The following MUC5B variants were observed in gnomAD, a reference collection of about 807,000 sequenced individuals.
MUC5B encodes the protein mucin-5B.
MUC5B carries 116 observed loss-of-function variants against 376.9 expected under a neutral mutation model. The observed-to-expected ratio is 0.31, with a 90% CI of 0.26 to 0.36. The LOEUF (loss-of-function observed/expected upper bound fraction) is 0.36. Ranked by LOEUF, MUC5B falls within the 10% of genes least tolerant of loss-of-function variation. The probability of loss-of-function intolerance (pLI) is 1.00; values close to 1 mark genes in which losing one functional copy is unlikely to be tolerated. For missense variants in MUC5B, 7,165 were observed against 7,769.9 expected (o/e 0.92, Z 2.93); for synonymous variants, 3,517 against 3,390.9 (o/e 1.04, Z -1.29).
rs761871229 is a variant in MUC5B at position 1,254,696 on chromosome 11, C to A, written c.15480C>A (p.Ile5160=). 6.2e-7 allele frequency: 1 copy of A among 1,612,286 alleles called. No homozygotes were observed. Among genetic ancestry groups the A allele is most frequent in the Non-Finnish European group, 8.5e-7 (1 of 1,179,418 alleles). The change falls in exon 35 of 49, where the codon ATC becomes ATA. Residue 5160 remains isoleucine (I), a splice_region_variant and synonymous_variant. Transcript: ENST00000529681. ...TMVHGKEEGL[I]LFDQIPVSSG... ...AGGGTTCCCCTGGATTCCCCCAGAT[C>A]CTGTTTGACCAAATTCCGGTGAGCA...
At position 1,249,312 on chromosome 11, in the gene MUC5B, G is replaced by A. The variant is rs765287324; in HGVS notation, c.12432G>A (p.Met4144Ile). 6.8e-5 allele frequency: 109 copies of A among 1,610,772 alleles called. 2 individuals carry two copies. Among genetic ancestry groups the A allele is most frequent in the Non-Finnish European group, 2.5e-6 (3 of 1,179,488 alleles). The change falls in exon 31 of 49, where the codon ATG becomes ATA. Residue 4144 changes from methionine to isoleucine, a missense_variant. Met to Ile is a conservative substitution (Grantham distance 10). Around this residue, in one of 31 missense-constraint regions of MUC5B, gnomAD observed 47 missense variants for 88.4 expected, o/e 0.53. Transcript: ENST00000529681. ...WSEWLDYSYP[M>I]PGPSGGDFDT... ...AGTGGCTGGACTACAGCTACCCCAT[G>A]CCGGGGCCCTCTGGCGGGGACTTTG...
Position 1,229,195 on chromosome 11 carries a change from G to C in MUC5B, c.1002G>C (p.Gln334His), listed in dbSNP as rs762430286. 1.9e-6 allele frequency: 3 copies of C among 1,598,880 alleles called. No homozygotes were observed. The highest frequency in any genetic ancestry group is 2.6e-6 in the Non-Finnish European group (3 of 1,176,438). The change falls in exon 9 of 49, where the codon CAG becomes CAC. Residue 334 changes from glutamine (Q) to histidine (H), a missense_variant. This residue lies in a region of MUC5B where 640 missense variants were observed against 733.0 expected (regional missense o/e 0.87). Transcript: ENST00000529681. The part of the protein sequence containing the change: ...LCPRTCPLNM[Q>H]HQECGSPCTD... ...CCCGGACCTGCCCCCTCAACATGCA[G>C]CACCAGGAGTGTGGCTCACCCTGCA...
rs1412943673 is a variant in MUC5B at position 1,232,294 on chromosome 11, G to GT, written c.1843+135dup. On this transcript the variant is annotated intron_variant, in intron 15 of 48. Transcript: ENST00000529681. ...GGCAGGTGGGAGGCATCAGGAGGAG[G>GT]TGCTTGGGGCCAGGCGGCCAGAACC... 3 of 1,352,380 alleles carry GT rather than the reference G, an allele frequency of 2.2e-6. No homozygotes were observed. In the Admixed American group the frequency reaches 6.9e-5, roughly 31 times the overall value. 83.8% of individuals were successfully genotyped at this position (1,352,380 alleles called of 1,614,324 possible).
At chr11:1,227,604 GGAAGTGGGA>G in intron 6 of MUC5B, 62 bp from the exon 7 acceptor site, 1 of 691,808 alleles carries the variant, frequency 1.4e-6, no homozygotes. Context: ...CCTGGGCTCA[GGAAGTGGGA>G]GCCCATATCT....
At position 1,244,929 on chromosome 11, in the gene MUC5B, C is replaced by A. The variant is rs755815911; in HGVS notation, c.8049C>A (p.Thr2683=). 22 of 1,588,192 alleles carry A rather than the reference C, an allele frequency of 1.4e-5. No homozygotes were observed. Among genetic ancestry groups the A allele is most frequent in the South Asian group, 2.3e-5 (2 of 88,672 alleles). Residue 2683 remains threonine, a synonymous_variant, in exon 31 of 49, where the codon ACC becomes ACA. Transcript: ENST00000529681. ...CAACACCCTCCTCTAGCACACAGAC[C>A]AGTGGTACTCCCCCATCACTGACCA... is the stretch of plus-strand genomic sequence containing the variant. ...SMATPSSSTQ[T]SGTPPSLTTT...
Position 1,258,117 on chromosome 11 carries a change from GC to G in MUC5B, c.16474del (p.Gln5492ArgfsTer110). On this transcript the variant is annotated frameshift_variant, in exon 42 of 49. Transcript: ENST00000529681. LOFTEE classifies it high-confidence loss of function. The surrounding 1 kb of genome is among the most constrained non-coding windows in gnomAD (Gnocchi z 5.5). ...CCCGCAGTGTGCAACACAACCACCTGCCCCCAGAGCCTGCCTGTGTGCCCGC... is the reference window on the plus strand; with the variant it reads ...CCCGCAGTGTGCAACACAACCACCTGCCCCAGAGCCTGCCTGTGTGCCCGC... Reference protein sequence around the residue: ...ETVCVCNTTTCPQSLPVCPPG... With the variant: ...ETVCVCNTTTXPQSLPVCPPG... 6.3e-7 allele frequency: 1 copy of G among 1,590,622 alleles called. No individual in the cohort carries two copies. Among genetic ancestry groups the G allele is most frequent in the Non-Finnish European group, 8.5e-7 (1 of 1,170,938 alleles).
chr11:1,229,127 A>T, intron 8 of MUC5B, 43 bp from the exon 9 acceptor site: 1 of 1,533,386 alleles, frequency 6.5e-7, no homozygotes, highest in Non-Finnish European at 8.7e-7. Context: ...CACGGGCAGT[A>T]CAGGGCCCTT....
chr11:1,234,709 G>C lies in MUC5B; in HGVS notation c.2630+29G>C, dbSNP rs1426518034. 25 of 1,428,546 alleles carry C rather than the reference G, an allele frequency of 1.8e-5. No individual in the cohort carries two copies. In the East Asian group the frequency reaches 5.5e-4, roughly 31 times the overall value. The allele number at this position is 1,428,546 out of a possible 1,614,324, so 88.5% of individuals were successfully genotyped here. A position where few individuals can be genotyped will look rare whatever the true frequency, so the allele number is the denominator to read the frequency against. Reference sequence around the variant, plus strand: ...GGTCGTGAGTCTCTCGGAGGCAGCAGGTGGGGAGGGCGGGGGCGGGGAGGG... The same window carrying C: ...GGTCGTGAGTCTCTCGGAGGCAGCACGTGGGGAGGGCGGGGGCGGGGAGGG... On this transcript the variant is annotated intron_variant, in intron 21 of 48. Transcript: ENST00000529681. This position sits in a 1 kb window ranked among gnomAD's most constrained non-coding sequence, Gnocchi z 6.3.
Position 1,250,455 on chromosome 11 carries a change from C to G in MUC5B, c.13575C>G (p.Ile4525Met). The change falls in exon 31 of 49, where the codon ATC becomes ATG. Residue 4525 changes from isoleucine to methionine, a missense_variant. This residue lies in a region of MUC5B where 431 missense variants were observed against 390.4 expected (regional missense o/e 1.10). Transcript: ENST00000529681. ...TTPTATSFTA[I>M]PSSSLGTTWT... ...CCACAGCTACCAGCTTTACAGCCAT[C>G]CCCTCCTCCTCCCTGGGCACCACCT... 1 of 1,594,364 alleles carries G rather than the reference C, an allele frequency of 6.3e-7. No homozygotes were observed. The highest frequency in any genetic ancestry group is 1.3e-5 in the African/African-American group (1 of 74,630).
chr11:1,227,167 T>G (rs371305770), intron 5 of MUC5B, 22 bp downstream of exon 5: 192 of 1,600,688 alleles, frequency 1.2e-4, no homozygotes, highest in Non-Finnish European at 1.6e-4. Context: ...CCCTCGCCCC[T>G]TGCCCCTTCA....
chr11:1,243,533 C>T lies in MUC5B; in HGVS notation c.6653C>T (p.Thr2218Ile), dbSNP rs766193180. The change falls in exon 31 of 49, where the codon ACC becomes ATC. Residue 2218 changes from threonine to isoleucine, a missense_variant. Around this residue, in one of 31 missense-constraint regions of MUC5B, gnomAD observed 67 missense variants for 103.0 expected, o/e 0.65. Transcript: ENST00000529681. Reference protein sequence around the residue: ...HTVRTAWTSATSGILGTTHIT... With the variant: ...HTVRTAWTSAISGILGTTHIT... ...GTGCGCACAGCCTGGACTTCGGCCA[C>T]CTCGGGCATCTTGGGCACCACCCAC... is the stretch of plus-strand genomic sequence containing the variant. 4.4e-6 allele frequency: 7 copies of T among 1,605,548 alleles called. No individual in the cohort carries two copies. In the Admixed American group the frequency reaches 5.1e-5, roughly 12 times the overall value.
rs1338827713 is a variant in MUC5B, at chr11:1,242,467, A to G, written c.5587A>G (p.Thr1863Ala). ...GCTGACCTGCAAGAACGAAGACCAGACAGGCAGGTTCAACATGTGCTTCAA... is the reference window on the plus strand; with the variant it reads ...GCTGACCTGCAAGAACGAAGACCAGGCAGGCAGGTTCAACATGTGCTTCAA... ...TGLTCKNEDQ[T>A]GRFNMCFNYN... The change falls in exon 31 of 49, where the codon ACA becomes GCA. Residue 1863 changes from threonine to alanine, a missense_variant. By Grantham distance (58) the Thr-to-Ala change is moderately conservative. Coordinates refer to ENST00000529681, the MANE Select transcript of MUC5B (RefSeq NM_002458.3). 1.2e-6 allele frequency: 2 copies of G among 1,613,664 alleles called. No individual in the cohort carries two copies. The highest frequency in any genetic ancestry group is 1.7e-6 in the Non-Finnish European group (2 of 1,179,826).
chr11:1,247,459 A>G lies in MUC5B; in HGVS notation c.10579A>G (p.Thr3527Ala). The change falls in exon 31 of 49, where the codon ACG becomes GCG. Residue 3527 changes from threonine to alanine, a missense_variant. By Grantham distance (58) the Thr-to-Ala change is moderately conservative. Coordinates refer to ENST00000529681, the MANE Select transcript of MUC5B (RefSeq NM_002458.3). The stretch of plus-strand genomic sequence containing the variant: ...CACCGAGTCACCCCCTTCTCCAGGG[A>G]CGACCACCCCGGGCCACACCAGGGG... ...RTTESPPSPGTTTPGHTRGTS... is the reference protein window; with the variant it reads ...RTTESPPSPGATTPGHTRGTS... The G allele has an allele frequency of 6.2e-7, 1 of 1,608,218 alleles. No homozygotes were observed. Among genetic ancestry groups the G allele is most frequent in the South Asian group, 1.1e-5 (1 of 90,784 alleles).
rs766901971 is a variant in MUC5B, at chr11:1,250,170, G to C, written c.13290G>C (p.Thr4430=). The part of the protein sequence containing the change: ...ILTELTTTAT[T]TASTGSTATP... Reference sequence around the variant, plus strand: ...CAGAGCTGACCACAACAGCCACTACGACTGCGTCCACTGGATCCACGGCCA... The same window carrying C: ...CAGAGCTGACCACAACAGCCACTACCACTGCGTCCACTGGATCCACGGCCA... The change falls in exon 31 of 49, where the codon ACG becomes ACC. Residue 4430 remains threonine, a synonymous_variant. Coordinates refer to ENST00000529681, the MANE Select transcript of MUC5B (RefSeq NM_002458.3). 1 of 1,587,918 alleles carries C rather than the reference G, an allele frequency of 6.3e-7. No homozygotes were observed. The highest frequency in any genetic ancestry group is 1.3e-5 in the African/African-American group (1 of 74,108).
At chr11:1,252,205 A>G in intron 31 of MUC5B, 138 bp from the exon 32 acceptor site, 1 of 821,570 alleles carries the variant, frequency 1.2e-6, no homozygotes, top group Non-Finnish European at 1.9e-6. Flanking sequence ...CACTGGCCAC[A>G]CTCAGCCTCT....
intron 32 of MUC5B, 102 bp from the exon 33 acceptor site, chr11:1,252,707 C>G: frequency 6.8e-7 from 1 of 1,461,184 alleles, no homozygotes; most frequent in Non-Finnish European, 9.2e-7. Flanking sequence ...CTCAGGCAGG[C>G]TCTTGTGGCC....
Position 1,251,762 on chromosome 11 carries a change from C to T in MUC5B, c.14863+19C>T. 6.6e-7 allele frequency: 1 copy of T among 1,504,550 alleles called. No homozygotes were observed. Among genetic ancestry groups the T allele is most frequent in the Non-Finnish European group, 9.1e-7 (1 of 1,096,704 alleles). The allele number at this position is 1,504,550 out of a possible 1,614,324, so 93.2% of individuals were successfully genotyped here. ...TCGCCCGGTGAGTGCATGTGGATAA[C>T]ACTGCTGTACCCTTTCCCCACATGC... is the stretch of plus-strand genomic sequence containing the variant. On this transcript the variant is annotated intron_variant, in intron 31 of 48. Transcript: ENST00000529681.
At position 1,242,170 on chromosome 11, in the gene MUC5B, A is replaced by G. The variant is rs202154505; in HGVS notation, c.5290A>G (p.Arg1764Gly). ...CTCTCAGGCCGAGACCAGCACGCCCAGGACAGAGACGACAATGAGCCCCTT... is the reference window on the plus strand; with the variant it reads ...CTCTCAGGCCGAGACCAGCACGCCCGGGACAGAGACGACAATGAGCCCCTT... ...STSQAETSTP[R>G]TETTMSPLTN... Residue 1764 changes from arginine to glycine, a missense_variant, in exon 31 of 49, where the codon AGG becomes GGG. This residue lies in a region of MUC5B where 897 missense variants were observed against 779.6 expected (regional missense o/e 1.15). Transcript: ENST00000529681. 4.7e-4 allele frequency: 760 copies of G among 1,613,536 alleles called. 1 individual carries two copies. Among genetic ancestry groups the G allele is most frequent in the Non-Finnish European group, 3.9e-4 (456 of 1,179,876 alleles).
chr11:1,234,142 G>T lies in MUC5B; in HGVS notation c.2378-63G>T. The T allele has an allele frequency of 7.4e-7, 1 of 1,352,698 alleles. No individual in the cohort carries two copies. The highest frequency in any genetic ancestry group is 1.0e-6 in the Non-Finnish European group (1 of 968,714). The allele number at this position is 1,352,698 out of a possible 1,614,324, so 83.8% of individuals were successfully genotyped here. ...CAGCAGGACAGGCTCAGGGCTGCCT[G>T]GGGTCAGTTGAGGGCCGTGGCTGCC... On this transcript the variant is annotated intron_variant, in intron 19 of 48. Coordinates refer to ENST00000529681, the MANE Select transcript of MUC5B (RefSeq NM_002458.3). The surrounding 1 kb of genome is among the most constrained non-coding windows in gnomAD (Gnocchi z 6.3).
Sources: allele counts gnomAD v4.1 joint callset, GRCh38; gene constraint gnomAD v4.1.1; regional missense constraint gnomAD v4.1.1; non-coding constraint Gnocchi (gnomAD v3.1); transcripts MANE v1.5; gene names NCBI Gene and HGNC (gene_info 2026-07-23, HGNC 2026-07-21).